The following RRN3 variants were observed in gnomAD, a reference collection of about 807,000 sequenced individuals.
The protein encoded by RRN3 is RNA polymerase I transcription factor RRN3.
In RRN3, 38 loss-of-function variants were observed where a neutral mutation model predicts 82.3. That is an observed-to-expected ratio of 0.46 (90% confidence interval 0.36 to 0.61). The LOEUF (loss-of-function observed/expected upper bound fraction) is 0.61, where lower values mean the gene tolerates loss of function less well. RRN3 is among the 20% of genes least tolerant of loss of function. RRN3 has a pLI of 0.00. For missense variants in RRN3, 726 were observed against 793.1 expected, an observed-to-expected ratio of 0.92 and a Z score of 1.02; for synonymous variants, 284 against 284.3, an observed-to-expected ratio of 1.00 and a Z score of 0.01.
In RRN3 at chr16:15,074,716, G is replaced by A; in HGVS notation, c.997+7C>T. The A allele has an allele frequency of 6.2e-7, 1 of 1,609,276 alleles. No homozygotes were observed. Among genetic ancestry groups the A allele is most frequent in the Non-Finnish European group, 8.5e-7 (1 of 1,177,528 alleles). ...GTGTTCAATAAACAGTAGCTACTGT[G>A]ATTTACCATCTACATAGCAGACATC... On this transcript the variant is annotated splice_region_variant and intron_variant, in intron 11 of 17. Transcript: ENST00000198767.
intron 8 of RRN3, among the ~76,000 whole-genome samples, chr16:15,081,830 A>C (rs888578746): frequency 2.6e-5 from 4 of 152,132 alleles, no homozygotes; most frequent in African/African-American, 9.7e-5. Context: ...TATTGAGTTC[A>C]TTTTTAAATA....
At chr16:15,066,248 C>A (rs1418033008) in intron 15 of RRN3, among the ~76,000 whole-genome samples, 1 of 152,168 alleles carries the variant, frequency 6.6e-6, no homozygotes, top group Admixed American at 6.5e-5. Flanking sequence ...TGAAGATCTG[C>A]ATCTCCTACA....
At chr16:15,090,910 A>G (rs1259869927) in intron 3 of RRN3, among the ~76,000 whole-genome samples, 1 of 148,748 alleles carries the variant, frequency 6.7e-6, no homozygotes, top group Non-Finnish European at 1.5e-5. Context: ...AGCTTTAAAG[A>G]GACAAGAGAG....
At chr16:15,076,915 C>T (rs1461865684) in intron 9 of RRN3, among the ~76,000 whole-genome samples, 1 of 152,102 alleles carries the variant, frequency 6.6e-6, no homozygotes, top group African/African-American at 2.4e-5. Context: ...TGCCAGGCAG[C>T]CTCAACAAAT....
Position 15,084,714 on chromosome 16 carries a change from A to C in RRN3, c.533-9T>G, listed in dbSNP as rs2045846745. Reference sequence around the variant, plus strand: ...AAAATTTGCAGGAAGATCTGAAAGGAGAAAAGTTCAGAGTATGAGCATCAA... The same window carrying C: ...AAAATTTGCAGGAAGATCTGAAAGGCGAAAAGTTCAGAGTATGAGCATCAA... On this transcript the variant is annotated splice_polypyrimidine_tract_variant and intron_variant, in intron 6 of 17. Transcript: ENST00000198767. 24 of 1,607,930 alleles carry C rather than the reference A, an allele frequency of 1.5e-5. No homozygotes were observed. Among genetic ancestry groups the C allele is most frequent in the Non-Finnish European group, 2.0e-5 (24 of 1,174,462 alleles).
At position 15,071,185 on chromosome 16, in the gene RRN3, T is replaced by C. The variant is rs1375418628; in HGVS notation, c.1195A>G (p.Ile399Val). 154 of 1,610,754 alleles carry C rather than the reference T, an allele frequency of 9.6e-5. No individual in the cohort carries two copies. The highest frequency in any genetic ancestry group is 1.2e-4 in the Non-Finnish European group (146 of 1,179,148). The change falls in exon 13 of 18, where the codon ATC (isoleucine) becomes GTC (valine). Residue 399 changes from isoleucine to valine, a missense_variant. Ile to Val is a conservative substitution (Grantham distance 29, BLOSUM62 3). Around this residue, in one of 4 missense-constraint regions of RRN3, gnomAD observed 81 missense variants for 156.4 expected, o/e 0.52. Transcript: ENST00000198767. ...ATATAATTTCCAGCAGCCTGCCTGA[T>C]GATGGCAGGATTACTTGGGTCCTGC... Reference protein sequence around the residue: ...KLQDPSNPAIIRQAAGNYIGS... With the variant: ...KLQDPSNPAIVRQAAGNYIGS...
intron 3 of RRN3, among the ~76,000 whole-genome samples, chr16:15,088,267 G>A (rs1156724076): frequency 6.6e-6 from 1 of 152,174 alleles, no homozygotes; most frequent in South Asian, 2.1e-4. Flanking sequence ...CTTGAGCCCA[G>A]GAATTTGAGA....
intron 14 of RRN3, 135 bp downstream of exon 14, chr16:15,069,935 T>C: frequency 1.6e-6 from 2 of 1,289,960 alleles, no homozygotes; most frequent in Non-Finnish European, 2.2e-6. Flanking sequence ...CTTGAAATTA[T>C]TATTAAAAGT....
At chr16:15,083,639 A>G (rs1239349768) in intron 7 of RRN3, 57 bp from the exon 8 acceptor site, 46 of 1,575,792 alleles carry the variant, frequency 2.9e-5, no homozygotes, top group Non-Finnish European at 3.7e-5. Flanking sequence ...AAAAGGAATA[A>G]AAAGGAAAAC....
chr16:15,065,983 A>G (rs1014963334), intron 15 of RRN3, among the ~76,000 whole-genome samples: 4 of 152,246 alleles, frequency 2.6e-5, no homozygotes, highest in African/African-American at 7.2e-5. Context: ...TTATGTTTTT[A>G]ATTTTTCCAG....
chr16:15,087,149 C>A (rs1020164550), intron 3 of RRN3, among the ~76,000 whole-genome samples: 4 of 151,878 alleles, frequency 2.6e-5, no homozygotes, highest in South Asian at 2.1e-4. Flanking sequence ...AGGAAAAAAA[C>A]CATTAAGAAA....
intron 15 of RRN3, among the ~76,000 whole-genome samples, chr16:15,066,765 A>C (rs919471094): frequency 5.3e-5 from 8 of 151,580 alleles, no homozygotes; most frequent in Non-Finnish European, 1.5e-5. Context: ...TCAATCTCAA[A>C]AGCATCAAGC....
At chr16:15,073,923 A>G (rs922236650) in intron 11 of RRN3, among the ~76,000 whole-genome samples, 1 of 152,188 alleles carries the variant, frequency 6.6e-6, no homozygotes, top group Non-Finnish European at 1.5e-5. Context: ...AGGCAATGAT[A>G]TGAGAAAATG....
intron 2 of RRN3, among the ~76,000 whole-genome samples, chr16:15,092,140 C>G (rs1337317960): frequency 6.6e-6 from 1 of 152,156 alleles, no homozygotes; most frequent in Non-Finnish European, 1.5e-5. Flanking sequence ...GGTCACGCCA[C>G]TGCACTCCAG....
intron 10 of RRN3, among the ~76,000 whole-genome samples, chr16:15,075,660 G>A (rs2045423296): frequency 6.6e-6 from 1 of 152,154 alleles, no homozygotes; most frequent in Non-Finnish European, 1.5e-5. Flanking sequence ...AGAACCACCA[G>A]TGAAATTTAA....
intron 13 of RRN3, 97 bp downstream of exon 13, chr16:15,071,024 A>G: frequency 9.2e-7 from 1 of 1,086,120 alleles, no homozygotes; most frequent in Non-Finnish European, 1.3e-6. Flanking sequence ...CTTTAAAAAC[A>G]TGCCAAAAAA....
intron 12 of RRN3, among the ~76,000 whole-genome samples, chr16:15,072,574 G>A (rs569258439): frequency 1.9e-4 from 29 of 152,156 alleles, no homozygotes; most frequent in African/African-American, 5.8e-4. Flanking sequence ...GGCAGGAGGC[G>A]GGCAGATCAC....
At chr16:15,077,838 TCAAA>T (rs964481606) in intron 9 of RRN3, among the ~76,000 whole-genome samples, 13 of 152,278 alleles carry the variant, frequency 8.5e-5, no homozygotes, top group Admixed American at 1.3e-4. Context: ...AGACACCATC[TCAAA>T]CAAACAAACA....
chr16:15,093,767 T>C (rs554136893), intron 1 of RRN3, among the ~76,000 whole-genome samples: 4 of 152,254 alleles, frequency 2.6e-5, no homozygotes, highest in African/African-American at 7.2e-5. Flanking sequence ...AGATGTAATA[T>C]TCAATTTGCC....
Sources: allele counts gnomAD v4.1 joint callset (sites outside exome capture counted in the v4.1 genomes callset), GRCh38; gene constraint gnomAD v4.1.1; regional missense constraint gnomAD v4.1.1; transcripts MANE v1.5; gene names NCBI Gene and HGNC (gene_info 2026-07-23, HGNC 2026-07-21).